BRIP1: variants seen among roughly 807,000 people sequenced by gnomAD.
The protein encoded by BRIP1 is BRCA1 interacting DNA helicase 1.
BRIP1 carries 88 observed loss-of-function variants against 119.7 expected under a neutral mutation model. The ratio of observed to expected loss-of-function variants is 0.74; its 90% CI spans 0.62 to 0.88. The LOEUF (loss-of-function observed/expected upper bound fraction) is 0.88, where lower values mean the gene tolerates loss of function less well. BRIP1 is among the 40% of genes least tolerant of loss of function. The pLI is 0.00. For missense variants in BRIP1, 1,259 were observed against 1,455.4 expected, an observed-to-expected ratio of 0.87 and a Z score of 2.20; for synonymous variants, 443 against 496.5, an observed-to-expected ratio of 0.89 and a Z score of 1.43.
Position 61,729,373 on chromosome 17 carries a change from A to G in BRIP1, c.2380-13310T>C, listed in dbSNP as rs1376796448. On this transcript the variant is annotated intron_variant, in intron 16 of 19. Coordinates refer to ENST00000259008, the MANE Select transcript of BRIP1 (RefSeq NM_032043.3). The surrounding 1 kb of genome is among the most constrained non-coding windows in gnomAD (Gnocchi z 5.6). Reference sequence around the variant, plus strand: ...TATTTTCATAGTCATGATAATGTACATAATAACTATAGATTTAATTAAAAA... The same window carrying G: ...TATTTTCATAGTCATGATAATGTACGTAATAACTATAGATTTAATTAAAAA... 2.0e-5 allele frequency among the ~76,000 whole-genome samples: 3 copies of G among 152,240 alleles called. No homozygotes were observed. The highest frequency in any genetic ancestry group is 4.4e-5 in the Non-Finnish European group (3 of 68,044).
Position 61,691,275 on chromosome 17 carries a change from GA to G in BRIP1, c.2575+2154del, listed in dbSNP as rs199673406. On this transcript the variant is annotated intron_variant, in intron 18 of 19. Transcript: ENST00000259008. The surrounding 1 kb of genome is among the most constrained non-coding windows in gnomAD (Gnocchi z 5.0). ...TTAAAATAAAAAAACTCAAACCAGG[GA>G]AAAAAAATAGCATCAAAAATAATAA... Among the ~76,000 whole-genome samples the G allele has an allele frequency of 0.039, 5,882 of 150,918 alleles. 147 individuals are homozygous for G. The highest frequency in any genetic ancestry group is 0.14 in the Middle Eastern group (40 of 294).
rs529492488 is a variant in BRIP1, at chr17:61,845,997, G to A, written c.627+1104C>T. Among the ~76,000 whole-genome samples, 3 of 151,874 alleles carry A rather than the reference G, an allele frequency of 2.0e-5. No individual in the cohort carries two copies. The highest frequency in any genetic ancestry group is 4.4e-5 in the Non-Finnish European group (3 of 67,906). On this transcript the variant is annotated intron_variant, in intron 6 of 19. Transcript: ENST00000259008. The surrounding 1 kb of genome is among the most constrained non-coding windows in gnomAD (Gnocchi z 4.2). ...GAAGATCGAGACCATCCTGGCTAACGTGGTGAAACCCCGTCTCTACTAAAA... is the reference window on the plus strand; with the variant it reads ...GAAGATCGAGACCATCCTGGCTAACATGGTGAAACCCCGTCTCTACTAAAA...
At chr17:61,747,268 C>T (rs1253755778) in intron 14 of BRIP1, among the ~76,000 whole-genome samples, 1 of 151,382 alleles carries the variant, frequency 6.6e-6, no homozygotes, top group Admixed American at 6.6e-5. Flanking sequence ...CTTCAGGGAA[C>T]TAGAAAAAGA....
chr17:61,685,136 C>G (rs1408678566), intron 19 of BRIP1: 1 of 152,248 alleles, frequency 6.6e-6, no homozygotes, highest in Non-Finnish European at 1.5e-5. Flanking sequence ...TGCGACTACT[C>G]AATTATGCTG....
In BRIP1 at chr17:61,846,737, C is replaced by T. The variant is rs979047604; in HGVS notation, c.627+364G>A. ...AATAATTTTCACCTCACAGATCACT[C>T]CCCAAAAAAATCTCAATATCTAGAA... On this transcript the variant is annotated intron_variant, in intron 6 of 19. Transcript: ENST00000259008. The surrounding 1 kb of genome is among the most constrained non-coding windows in gnomAD (Gnocchi z 4.3). Among the ~76,000 whole-genome samples, 1 of 152,074 alleles carries T rather than the reference C, an allele frequency of 6.6e-6. No individual in the cohort carries two copies. The highest frequency in any genetic ancestry group is 1.5e-5 in the Non-Finnish European group (1 of 68,018).
chr17:61,808,621 T>C lies in BRIP1; in HGVS notation c.764A>G (p.Gln255Arg), dbSNP rs1567838107. The C allele has an allele frequency of 1.2e-6, 2 of 1,614,032 alleles. No individual in the cohort carries two copies. The highest frequency in any genetic ancestry group is 1.7e-6 in the Non-Finnish European group (2 of 1,179,954). ...KIYFGTRTHK[Q>R]IAQITRELRR... ...GAGCTCTCTAGTAATCTGAGCAATC[T>C]GCTTGTGTGTGCGTGTCCCAAAATA... is the stretch of plus-strand genomic sequence containing the variant. The change falls in exon 7 of 20, where the codon CAG (glutamine) becomes CGG (arginine). Residue 255 changes from glutamine (Q) to arginine (R), a missense_variant. Around this residue, in one of 3 missense-constraint regions of BRIP1, gnomAD observed 501 missense variants for 544.0 expected, o/e 0.92. Coordinates refer to ENST00000259008, the MANE Select transcript of BRIP1 (RefSeq NM_032043.3). The surrounding 1 kb of genome is among the most constrained non-coding windows in gnomAD (Gnocchi z 4.1).
Position 61,762,511 on chromosome 17 carries a change from TCAAA to T in BRIP1, c.2097+13886_2097+13889del, listed in dbSNP as rs1350322252. On this transcript the variant is annotated intron_variant, in intron 14 of 19. Transcript: ENST00000259008. This position sits in a 1 kb window ranked among gnomAD's most constrained non-coding sequence, Gnocchi z 4.3. ...TTAATGTCCAAAATATATAAGAAACTCAAACAACTCATTAGCAAGAACACAAATA... is the reference window on the plus strand; with the variant it reads ...TTAATGTCCAAAATATATAAGAAACTCAACTCATTAGCAAGAACACAAATA... 6.6e-6 allele frequency among the ~76,000 whole-genome samples: 1 copy of T among 151,758 alleles called. No homozygotes were observed. The highest frequency in any genetic ancestry group is 1.5e-5 in the Non-Finnish European group (1 of 67,932).
chr17:61,766,480 A>G (rs1321224690), intron 14 of BRIP1, among the ~76,000 whole-genome samples: 1 of 152,186 alleles, frequency 6.6e-6, no homozygotes, highest in Non-Finnish European at 1.5e-5. Context: ...ATTTATATCT[A>G]TAGAAATTTC....
Position 61,689,998 on chromosome 17 carries a change from C to T in BRIP1, c.2575+3432G>A, listed in dbSNP as rs2061424642. 6.6e-6 allele frequency among the ~76,000 whole-genome samples: 1 copy of T among 152,128 alleles called. No individual in the cohort carries two copies. The highest frequency in any genetic ancestry group is 2.1e-4 in the South Asian group (1 of 4,830). ...TCCTGCCTGGGTGGCAGAGTAACAT[C>T]CTGTCTCCAAAAAGAGAAAGATTTC... On this transcript the variant is annotated intron_variant, in intron 18 of 19. Transcript: ENST00000259008. This position sits in a 1 kb window ranked among gnomAD's most constrained non-coding sequence, Gnocchi z 4.5.
chr17:61,743,876 A>G lies in BRIP1; in HGVS notation c.2257+556T>C, dbSNP rs896510047. 3.3e-5 allele frequency among the ~76,000 whole-genome samples: 5 copies of G among 152,008 alleles called. No individual in the cohort carries two copies. Among genetic ancestry groups the G allele is most frequent in the African/African-American group, 1.2e-4 (5 of 41,374 alleles). On this transcript the variant is annotated intron_variant, in intron 15 of 19. Coordinates refer to ENST00000259008, the MANE Select transcript of BRIP1 (RefSeq NM_032043.3). This position sits in a 1 kb window ranked among gnomAD's most constrained non-coding sequence, Gnocchi z 4.3. ...TAATGTTTGTACTTTTTGTAGAGAC[A>G]GGATTTCACCATGTTGCCCAGGCTG...
intron 13 of BRIP1, among the ~76,000 whole-genome samples, chr17:61,777,209 T>C (rs936650969): frequency 6.6e-6 from 1 of 152,208 alleles, no homozygotes; most frequent in Non-Finnish European, 1.5e-5. Context: ...TTCTAATTTT[T>C]TGAAATACAG....
rs1272741358 is a variant in BRIP1 at position 61,689,718 on chromosome 17, G to A, written c.2576-3553C>T. 6.6e-6 allele frequency among the ~76,000 whole-genome samples: 1 copy of A among 152,168 alleles called. No individual in the cohort carries two copies. Among genetic ancestry groups the A allele is most frequent in the Non-Finnish European group, 1.5e-5 (1 of 68,014 alleles). ...GTCATATACAAATGAAGTCCCATAAGACAGTCACTAGGCCGGGCATGAAGG... is the reference window on the plus strand; with the variant it reads ...GTCATATACAAATGAAGTCCCATAAAACAGTCACTAGGCCGGGCATGAAGG... On this transcript the variant is annotated intron_variant, in intron 18 of 19. Transcript: ENST00000259008. The surrounding 1 kb of genome is among the most constrained non-coding windows in gnomAD (Gnocchi z 4.5).
Position 61,846,618 on chromosome 17 carries a change from CTCAAGTGA to C in BRIP1, c.627+475_627+482del, listed in dbSNP as rs2078736564. On this transcript the variant is annotated intron_variant, in intron 6 of 19. Transcript: ENST00000259008. The surrounding 1 kb of genome is among the most constrained non-coding windows in gnomAD (Gnocchi z 4.3). Reference sequence around the variant, plus strand: ...CCCAGGCTGGTTTCAAACTCGTGAACTCAAGTGATCCACCCGCCTTGGCCTCCCAAAGT... The same window carrying C: ...CCCAGGCTGGTTTCAAACTCGTGAACTCCACCCGCCTTGGCCTCCCAAAGT... Among the ~76,000 whole-genome samples the C allele has an allele frequency of 6.6e-6, 1 of 152,160 alleles. No homozygotes were observed. Among genetic ancestry groups the C allele is most frequent in the Admixed American group, 6.5e-5 (1 of 15,284 alleles).
At chr17:61,719,865 G>T (rs959692897) in intron 16 of BRIP1, among the ~76,000 whole-genome samples, 2 of 152,130 alleles carry the variant, frequency 1.3e-5, no homozygotes, top group African/African-American at 4.8e-5. Flanking sequence ...GCCTCAGTCT[G>T]TCCCCCAGAC....
Position 61,739,563 on chromosome 17 carries a change from C to T in BRIP1, c.2379+3450G>A, listed in dbSNP as rs1479098138. The stretch of plus-strand genomic sequence containing the variant: ...GTAAGGGCTACCAAAAGAAATACTG[C>T]TTATTACTGTTAATGTTACCTAAAG... On this transcript the variant is annotated intron_variant, in intron 16 of 19. Transcript: ENST00000259008. The surrounding 1 kb of genome is among the most constrained non-coding windows in gnomAD (Gnocchi z 6.0). Among the ~76,000 whole-genome samples the T allele has an allele frequency of 6.6e-6, 1 of 152,130 alleles. No homozygotes were observed. The highest frequency in any genetic ancestry group is 2.4e-5 in the African/African-American group (1 of 41,434).
Position 61,765,530 on chromosome 17 carries a change from G to C in BRIP1, c.2097+10871C>G, listed in dbSNP as rs529186360. Among the ~76,000 whole-genome samples the C allele has an allele frequency of 1.0e-4, 14 of 136,430 alleles. No homozygotes were observed. The South Asian group carries it at 3.4e-3, about 34-fold the overall frequency. The allele number at this position is 136,430 out of a possible 152,430, so 89.5% of individuals were successfully genotyped here. A position where few individuals can be genotyped will look rare whatever the true frequency, so the allele number is the denominator to read the frequency against. On this transcript the variant is annotated intron_variant, in intron 14 of 19. Coordinates refer to ENST00000259008, the MANE Select transcript of BRIP1 (RefSeq NM_032043.3). ...GGCTCACTGCAACCTCCGCCTCCTG[G>C]ATTCAAGCAATTCTCCTGCCTCAGC... is the stretch of plus-strand genomic sequence containing the variant.
At position 61,861,457 on chromosome 17, in the gene BRIP1, A is replaced by T. The variant is rs786202674; in HGVS notation, c.83T>A (p.Met28Lys). ...PYKAYPSQLA[M>K]MNSILRGLNS... is the part of the protein sequence containing the mutation. ...CTGAAAAATACTTACAGAATTCATC[A>T]TAGCAAGCTGTGACGGGTAAGCTTT... The change falls in exon 2 of 20, where the codon ATG (methionine) becomes AAG (lysine). Residue 28 changes from methionine to lysine, a missense_variant. By Grantham distance (95) the Met-to-Lys change is moderately conservative (BLOSUM62 -1). Transcript: ENST00000259008. This position sits in a 1 kb window ranked among gnomAD's most constrained non-coding sequence, Gnocchi z 4.5. The T allele has an allele frequency of 1.2e-6, 2 of 1,609,952 alleles. No individual in the cohort carries two copies. The highest frequency in any genetic ancestry group is 1.7e-6 in the Non-Finnish European group (2 of 1,176,328).
At position 61,681,428 on chromosome 17, in the gene BRIP1, C is replaced by A. The variant is rs184666432; in HGVS notation, c.*1868G>T. On this transcript the variant is annotated 3_prime_UTR_variant, in exon 20 of 20. Coordinates refer to ENST00000259008, the MANE Select transcript of BRIP1 (RefSeq NM_032043.3). The surrounding 1 kb of genome is among the most constrained non-coding windows in gnomAD (Gnocchi z 5.1). Reference sequence around the variant, plus strand: ...TAACCGCTGCATTTTACAGATGAAACTAATTCCCTGAAGGGTGTGGTGATT... The same window carrying A: ...TAACCGCTGCATTTTACAGATGAAAATAATTCCCTGAAGGGTGTGGTGATT... 4.8e-4 allele frequency: 101 copies of A among 211,824 alleles called. No individual in the cohort carries two copies. The highest frequency in any genetic ancestry group is 1.8e-4 in the Admixed American group (3 of 16,974). The allele number at this position is 211,824 out of a possible 1,614,324, so 13.1% of individuals were successfully genotyped here.
At chr17:61,747,339 T>C (rs189709094) in intron 14 of BRIP1, among the ~76,000 whole-genome samples, 78 of 150,634 alleles carry the variant, frequency 5.2e-4, no homozygotes, top group Non-Finnish European at 4.1e-4. Context: ...AGAAATAAAA[T>C]AGGGAACAGA....
Sources: gnomAD v4.1 joint callset for allele counts (sites outside exome capture counted in the v4.1 genomes callset) on GRCh38, gnomAD v4.1.1 for gene constraint, gnomAD v4.1.1 regional missense constraint, Gnocchi (gnomAD v3.1) non-coding constraint, MANE v1.5 for transcripts, NCBI Gene and HGNC (gene_info 2026-07-23, HGNC 2026-07-21) for gene names.